The following UROS variants were observed in gnomAD, a reference collection of about 807,000 sequenced individuals.
The protein encoded by UROS is uroporphyrinogen-III synthase.
Under a neutral mutation model 33.0 loss-of-function variants are expected in UROS, and 18 were observed. The observed-to-expected ratio is 0.55, with a 90% CI of 0.38 to 0.81. The LOEUF is 0.81. Ranked by LOEUF, UROS falls within the 30% of genes least tolerant of loss-of-function variation. The pLI, the probability that UROS is intolerant of heterozygous loss-of-function variation, is 0.00. For synonymous variants in UROS, 114 were observed against 121.1 expected (o/e 0.94, Z 0.38); for missense variants, 293 against 314.9 (o/e 0.93, Z 0.53).
intron 7 of UROS, among the ~76,000 whole-genome samples, 185 bp from the exon 8 acceptor site, chr10:125,796,373 G>A (rs1159399299): frequency 6.6e-6 from 1 of 152,210 alleles, no homozygotes; most frequent in Admixed American, 6.5e-5. Flanking sequence ...CCTGCTAAAC[G>A]CTGTGGAGTG....
At chr10:125,820,342 C>T (rs1853765280) in intron 1 of UROS, among the ~76,000 whole-genome samples, 2 of 152,278 alleles carry the variant, frequency 1.3e-5, no homozygotes, top group South Asian at 4.1e-4. Flanking sequence ...GGCCTCAGCA[C>T]CAGGAGCACC....
chr10:125,818,492 AAATAATAATAAT>A (rs36118712), intron 1 of UROS, among the ~76,000 whole-genome samples: 13 of 147,606 alleles, frequency 8.8e-5, no homozygotes, highest in Non-Finnish European at 1.3e-4. Flanking sequence ...GATCTTGTCT[AAATAATAATAAT>A]AATAATAATA....
Position 125,788,877 on chromosome 10 carries a change from G to A in UROS, c.789C>T (p.Gly263=). 6.3e-7 allele frequency: 1 copy of A among 1,590,920 alleles called. No individual in the cohort carries two copies. The highest frequency in any genetic ancestry group is 1.1e-5 in the South Asian group (1 of 87,482). The change falls in exon 10 of 10, where the codon GGC becomes GGT. Residue 263 remains glycine, a synonymous_variant. Transcript: ENST00000368797. Reference sequence around the variant, plus strand: ...GCGCTAGGTGGCTGACTCAGCAGCAGCCATGGGGCTGGAGAGCCTTCCTGA... The same window carrying A: ...GCGCTAGGTGGCTGACTCAGCAGCAACCATGGGGCTGGAGAGCCTTCCTGA... ...TGIRKALQPH[G]CC
rs1564768950 is a variant in UROS, at chr10:125,788,909, TGGCCAG to T, written c.751_756del (p.Leu251_Ala252del). ...GGCTGGAGAGCCTTCCTGATGCCAG[TGGCCAG>T]GGCTTGTGGCGTGGGGCTCTCTGCA... On this transcript the variant is annotated inframe_deletion, in exon 10 of 10. Coordinates refer to ENST00000368797, the MANE Select transcript of UROS (RefSeq NM_000375.3). 1 of 1,606,128 alleles carries T rather than the reference TGGCCAG, an allele frequency of 6.2e-7. No individual in the cohort carries two copies. Among genetic ancestry groups the T allele is most frequent in the South Asian group, 1.1e-5 (1 of 89,462 alleles).
chr10:125,806,973 G>A (rs1355593034), intron 6 of UROS, among the ~76,000 whole-genome samples: 2 of 152,146 alleles, frequency 1.3e-5, no homozygotes, highest in African/African-American at 4.8e-5. Context: ...TTAAATCCAA[G>A]TCCACAGGCA....
chr10:125,799,000 G>T (rs1181530381), intron 6 of UROS, among the ~76,000 whole-genome samples: 1 of 152,086 alleles, frequency 6.6e-6, no homozygotes, highest in South Asian at 2.1e-4. Context: ...AATTTTAATG[G>T]GCGTTATTCA....
intron 6 of UROS, among the ~76,000 whole-genome samples, chr10:125,804,612 C>T (rs954137218): frequency 6.6e-6 from 1 of 152,170 alleles, no homozygotes; most frequent in Non-Finnish European, 1.5e-5. Flanking sequence ...GCCCTTAAAG[C>T]TGTGGGGTCT....
intron 5 of UROS, among the ~76,000 whole-genome samples, chr10:125,811,238 TATAA>T (rs1852784279): frequency 1.3e-5 from 2 of 152,376 alleles, no homozygotes; most frequent in South Asian, 4.1e-4. Flanking sequence ...TTGGAAAATG[TATAA>T]ATATACTGTA....
intron 6 of UROS, among the ~76,000 whole-genome samples, chr10:125,806,584 T>G (rs1891359): frequency 0.11 from 16,333 of 152,312 alleles, 1,284 homozygotes; most frequent in Admixed American, 0.28. Context: ...ACCATTTGCC[T>G]GCAAAGCCCA....
intron 7 of UROS, chr10:125,796,675 G>T (rs1851397200): frequency 4.5e-6 from 3 of 671,156 alleles, no homozygotes; most frequent in Admixed American, 6.3e-5. Context: ...ACTTGTACAA[G>T]AACTGATTAA....
intron 6 of UROS, among the ~76,000 whole-genome samples, chr10:125,803,899 A>G (rs904788618): frequency 6.6e-6 from 1 of 152,174 alleles, no homozygotes; most frequent in Non-Finnish European, 1.5e-5. Flanking sequence ...TTCTCTGTGG[A>G]GAGGAGGCCA....
chr10:125,804,342 C>T (rs541571002), intron 6 of UROS, among the ~76,000 whole-genome samples: 5 of 152,206 alleles, frequency 3.3e-5, no homozygotes, highest in African/African-American at 4.8e-5. Flanking sequence ...GTGGCGCACC[C>T]CAACTCCATG....
chr10:125,821,960 C>T (rs971016911), intron 1 of UROS, among the ~76,000 whole-genome samples: 4 of 152,162 alleles, frequency 2.6e-5, no homozygotes, highest in African/African-American at 9.7e-5. Context: ...GCAATCTGGG[C>T]TCCTGGGGAC....
intron 7 of UROS, among the ~76,000 whole-genome samples, chr10:125,797,078 T>G (rs1344659065): frequency 6.6e-6 from 1 of 152,232 alleles, no homozygotes; most frequent in Non-Finnish European, 1.5e-5. Context: ...TTTGCTGATC[T>G]TATTACCTAA....
chr10:125,813,323 T>C (rs1852980870), intron 4 of UROS, among the ~76,000 whole-genome samples: 1 of 152,210 alleles, frequency 6.6e-6, no homozygotes, highest in Non-Finnish European at 1.5e-5. Flanking sequence ...CTATGGTTGT[T>C]GTGAGAATCA....
chr10:125,802,805 G>A lies in UROS; in HGVS notation c.394+4608C>T. The stretch of plus-strand genomic sequence containing the variant: ...CCCAGCGGTACAGACTGAGGCATCT[G>A]TGCGAGGCCCTGTGCGCTCCTGGAG... On this transcript the variant is annotated intron_variant, in intron 6 of 9. Transcript: ENST00000368797. 2.7e-6 allele frequency: 4 copies of A among 1,458,734 alleles called. No homozygotes were observed. In the South Asian group the frequency reaches 5.8e-5, roughly 21 times the overall value. The allele number at this position is 1,458,734 out of a possible 1,614,324, so 90.4% of individuals were successfully genotyped here.
In UROS at chr10:125,807,445, T is replaced by C. The variant is rs1035260161; in HGVS notation, c.362A>G (p.Asn121Ser). Residue 121 changes from asparagine to serine, a missense_variant, in exon 6 of 10, where the codon AAT becomes AGT. By Grantham distance (46) the Asn-to-Ser change is conservative. Coordinates refer to ENST00000368797, the MANE Select transcript of UROS (RefSeq NM_000375.3). ...AATATATTCTGCAAGCTTTTCTGCA[T>C]TTCCACAGGTTTCTCCTTCTGTATC... The part of the protein sequence containing the change: ...GLDTEGETCG[N>S]AEKLAEYICS... 1.2e-6 allele frequency: 2 copies of C among 1,614,056 alleles called. No individual in the cohort carries two copies. The highest frequency in any genetic ancestry group is 1.7e-6 in the Non-Finnish European group (2 of 1,180,034).
Position 125,802,175 on chromosome 10 carries a change from A to G in UROS, c.395-4030T>C, listed in dbSNP as rs916796741. On this transcript the variant is annotated intron_variant, in intron 6 of 9. Transcript: ENST00000368797. ...AGAAACAAAAAGCCTGGAGCCAGACAAGACCCATCTGCATCCTGTACCAGG... is the reference window on the plus strand; with the variant it reads ...AGAAACAAAAAGCCTGGAGCCAGACGAGACCCATCTGCATCCTGTACCAGG... 4 of 985,414 alleles carry G rather than the reference A, an allele frequency of 4.1e-6. No individual in the cohort carries two copies. In the African/African-American group the frequency reaches 5.2e-5, roughly 13 times the overall value. 61.0% of individuals were successfully genotyped at this position (985,414 alleles called of 1,614,324 possible). A position where few individuals can be genotyped will look rare whatever the true frequency, so the allele number is the denominator to read the frequency against.
At chr10:125,805,496 G>A (rs1485254765) in intron 6 of UROS, among the ~76,000 whole-genome samples, 1 of 152,206 alleles carries the variant, frequency 6.6e-6, no homozygotes, top group Non-Finnish European at 1.5e-5. Flanking sequence ...GGACCCCCAA[G>A]AGTCTCTATA....
Sources: gnomAD v4.1 joint callset for allele counts (sites outside exome capture counted in the v4.1 genomes callset) on GRCh38, gnomAD v4.1.1 for gene constraint, MANE v1.5 for transcripts, NCBI Gene and HGNC (gene_info 2026-07-23, HGNC 2026-07-21) for gene names.